The following ULK4 variants were observed in gnomAD, a reference collection of about 807,000 sequenced individuals.
ULK4 encodes the protein inactive serine/threonine-protein kinase ULK4.
In ULK4, 133 loss-of-function variants were observed where a neutral mutation model predicts 160.6. The ratio of observed to expected loss-of-function variants is 0.83; its 90% CI spans 0.72 to 0.96. ULK4 has a LOEUF of 0.96. Ranked by LOEUF, ULK4 falls within the 40% of genes least tolerant of loss-of-function variation. The probability of loss-of-function intolerance (pLI) is 0.00; values close to 1 mark genes in which losing one functional copy is unlikely to be tolerated. For synonymous variants in ULK4, 534 were observed against 539.8 expected (o/e 0.99, Z 0.15); for missense variants, 1,580 against 1,499.5 (o/e 1.05, Z -0.89).
intron 27 of ULK4, among the ~76,000 whole-genome samples, chr3:41,693,849 A>C (rs1207110010): frequency 6.6e-6 from 1 of 152,232 alleles, no homozygotes; most frequent in African/African-American, 2.4e-5. Flanking sequence ...GAAAAAGAAA[A>C]CCTAAAATTG....
At chr3:41,565,012 A>C (rs1391439045) in intron 32 of ULK4, among the ~76,000 whole-genome samples, 1 of 152,238 alleles carries the variant, frequency 6.6e-6, no homozygotes, top group African/African-American at 2.4e-5. Flanking sequence ...TTCTAAGTTT[A>C]AATATACAAA....
At chr3:41,536,583 GT>G (rs942877399) in intron 32 of ULK4, among the ~76,000 whole-genome samples, 1 of 152,132 alleles carries the variant, frequency 6.6e-6, no homozygotes, top group African/African-American at 2.4e-5. Context: ...CACGTATTAT[GT>G]ATTATTAACT....
chr3:41,479,172 C>A (rs138357092), intron 32 of ULK4, among the ~76,000 whole-genome samples: 1 of 152,208 alleles, frequency 6.6e-6, no homozygotes, highest in African/African-American at 2.4e-5. Flanking sequence ...GGAGAACAAC[C>A]TTTAGAGCCC....
intron 17 of ULK4, among the ~76,000 whole-genome samples, chr3:41,837,904 G>A (rs993169205): frequency 6.6e-6 from 1 of 152,154 alleles, no homozygotes; most frequent in Non-Finnish European, 1.5e-5. Context: ...TTGTATGGAT[G>A]TACCAAACGT....
chr3:41,336,733 A>G (rs2080565998), intron 35 of ULK4, among the ~76,000 whole-genome samples: 1 of 152,124 alleles, frequency 6.6e-6, no homozygotes, highest in African/African-American at 2.4e-5. Context: ...CTGGGATTGG[A>G]TGGTACCTGG....
intron 22 of ULK4, among the ~76,000 whole-genome samples, chr3:41,734,765 C>T (rs921303212): frequency 5.3e-5 from 8 of 152,186 alleles, no homozygotes; most frequent in Non-Finnish European, 1.2e-4. Context: ...CATAGTCCCA[C>T]TGGAAAGTCA....
At chr3:41,660,738 C>T (rs886318149) in intron 30 of ULK4, among the ~76,000 whole-genome samples, 7 of 152,124 alleles carry the variant, frequency 4.6e-5, no homozygotes, top group Non-Finnish European at 8.8e-5. Flanking sequence ...TGAGGCAAGA[C>T]TTATTTTAAC....
intron 21 of ULK4, among the ~76,000 whole-genome samples, chr3:41,779,712 A>T (rs1220583613): frequency 1.9e-5 from 1 of 51,292 alleles, no homozygotes; most frequent in African/African-American, 1.1e-4. Flanking sequence ...GGAAACCATC[A>T]TTCTCAGTAA....
chr3:41,820,596 T>C (rs961625279), intron 18 of ULK4, among the ~76,000 whole-genome samples: 2 of 151,750 alleles, frequency 1.3e-5, no homozygotes, highest in South Asian at 4.2e-4. Context: ...AGACAGAAGA[T>C]AGGAACAAAA....
chr3:41,930,452 C>A (rs1699553560), intron 5 of ULK4, among the ~76,000 whole-genome samples: 1 of 152,108 alleles, frequency 6.6e-6, no homozygotes, highest in Non-Finnish European at 1.5e-5. Context: ...GACTAAAACA[C>A]CAAAAGTAAT....
intron 34 of ULK4, among the ~76,000 whole-genome samples, chr3:41,454,723 C>T (rs1352617695): frequency 2.0e-5 from 3 of 151,896 alleles, no homozygotes; most frequent in Admixed American, 6.6e-5. Context: ...GATGGAGTCT[C>T]GCTTTTTCAC....
chr3:41,646,227 C>G (rs985531714), intron 30 of ULK4, among the ~76,000 whole-genome samples: 4 of 152,102 alleles, frequency 2.6e-5, no homozygotes, highest in Admixed American at 2.0e-4. Flanking sequence ...GAATTTGATC[C>G]TGTCATTATG....
chr3:41,578,483 T>G (rs2088275212), intron 31 of ULK4, among the ~76,000 whole-genome samples: 1 of 152,338 alleles, frequency 6.6e-6, no homozygotes, highest in East Asian at 1.9e-4. Flanking sequence ...CTATACCATC[T>G]TGAAGAATTA....
chr3:41,607,163 G>A (rs2032422640), intron 31 of ULK4, among the ~76,000 whole-genome samples: 1 of 152,024 alleles, frequency 6.6e-6, no homozygotes, highest in Non-Finnish European at 1.5e-5. Flanking sequence ...CCACCATAGT[G>A]ATGGATTAAA....
chr3:41,315,179 C>CTAG (rs2080123195), intron 35 of ULK4, among the ~76,000 whole-genome samples: 1 of 152,114 alleles, frequency 6.6e-6, no homozygotes, highest in African/African-American at 2.4e-5. Context: ...ATATCTGCTT[C>CTAG]TACATTCAAT....
chr3:41,833,272 TTG>T (rs2041650200), intron 18 of ULK4, among the ~76,000 whole-genome samples: 1 of 140,522 alleles, frequency 7.1e-6, no homozygotes, highest in Non-Finnish European at 1.5e-5. Flanking sequence ...TATTCTTAAG[TTG>T]TTTTTTTTTT....
chr3:41,840,420 G>C (rs753951987), intron 17 of ULK4, among the ~76,000 whole-genome samples: 2 of 152,140 alleles, frequency 1.3e-5, no homozygotes, highest in Non-Finnish European at 2.9e-5. Context: ...CTGTTGCCGA[G>C]GCTGGACTGT....
Position 41,808,042 on chromosome 3 carries a change from A to G in ULK4, c.1849-7749T>C, listed in dbSNP as rs17063221. Among the ~76,000 whole-genome samples, 861 of 152,296 alleles carry G rather than the reference A, an allele frequency of 5.7e-3. 18 individuals carry two copies. Among genetic ancestry groups the G allele is most frequent in the East Asian group, 0.05 (256 of 5,170 alleles). The stretch of plus-strand genomic sequence containing the variant: ...TCCTAGTTGTAAGCCTTAACTGGAC[A>G]GGTACCCTACTTGGAGACCGCTGCT... On this transcript the variant is annotated intron_variant, in intron 19 of 36. Coordinates refer to ENST00000301831, the MANE Select transcript of ULK4 (RefSeq NM_017886.4).
chr3:41,468,936 G>A lies in ULK4; in HGVS notation c.3227-5683C>T, dbSNP rs1394102740. On this transcript the variant is annotated intron_variant, in intron 32 of 36. Coordinates refer to ENST00000301831, the MANE Select transcript of ULK4 (RefSeq NM_017886.4). ...TAGAAAGCCATCAGGACATAGATAT[G>A]GTGTTAGCTTTGTGTACCTGTCAGC... Among the ~76,000 whole-genome samples the A allele has an allele frequency of 2.6e-5, 4 of 152,194 alleles. No individual in the cohort carries two copies. The East Asian group carries it at 7.7e-4, about 29-fold the overall frequency.
Sources: gnomAD v4.1 joint callset for allele counts (sites outside exome capture counted in the v4.1 genomes callset) on GRCh38, gnomAD v4.1.1 for gene constraint, MANE v1.5 for transcripts, NCBI Gene and HGNC (gene_info 2026-07-23, HGNC 2026-07-21) for gene names.